MYOZ2: variants seen among roughly 807,000 people sequenced by gnomAD.
MYOZ2 encodes the protein myozenin 2.
A neutral mutation model predicts 25.4 loss-of-function variants in MYOZ2; 19 were observed. The observed-to-expected ratio is 0.75, with a 90% CI of 0.52 to 1.10. The LOEUF (loss-of-function observed/expected upper bound fraction) is 1.10, where lower values mean the gene tolerates loss of function less well. Among genes scored for constraint, MYOZ2 ranks in the 50% least tolerant of loss-of-function variants. The pLI, the probability that MYOZ2 is intolerant of heterozygous loss-of-function variation, is 0.00. For synonymous variants in MYOZ2, 92 were observed against 106.9 expected (o/e 0.86, Z 0.86); for missense variants, 270 against 317.9 (o/e 0.85, Z 1.15).
intron 5 of MYOZ2, among the ~76,000 whole-genome samples, chr4:119,173,503 G>A (rs1365544663): frequency 1.3e-5 from 2 of 152,138 alleles, no homozygotes; most frequent in African/African-American, 4.8e-5. Flanking sequence ...GTGTGTTGAG[G>A]GCAATCAAAT....
In MYOZ2 at chr4:119,164,322, T is replaced by G; in HGVS notation, c.488T>G (p.Leu163Ter). 2.5e-6 allele frequency: 4 copies of G among 1,614,154 alleles called. No homozygotes were observed. The South Asian group carries it at 4.4e-5, about 18-fold the overall frequency. Reference protein sequence around the residue: ...EQAISNDPELLEALYPKLFKP... With the variant: ...EQAISNDPEL Reference sequence around the variant, plus strand: ...GCCATTAGCAATGATCCGGAGCTTTTAGAGGCTTTATATCCTAAACTTTTC... The same window carrying G: ...GCCATTAGCAATGATCCGGAGCTTTGAGAGGCTTTATATCCTAAACTTTTC... The change falls in exon 5 of 6, where the codon TTA becomes TGA. Residue 163 changes from leucine (L) to a stop codon, truncating the protein, a stop_gained. Transcript: ENST00000307128. LOFTEE classifies it high-confidence loss of function.
At chr4:119,140,812 T>A (rs1404524219) in intron 2 of MYOZ2, among the ~76,000 whole-genome samples, 1 of 152,236 alleles carries the variant, frequency 6.6e-6, no homozygotes, top group East Asian at 1.9e-4. Context: ...GTTTATAGAT[T>A]TATACAGTTT....
intron 2 of MYOZ2, among the ~76,000 whole-genome samples, chr4:119,145,506 C>CTGTG (rs200111377): frequency 0.024 from 3,063 of 128,140 alleles, 67 homozygotes; most frequent in East Asian, 0.081. Context: ...CCAGCTAAAA[C>CTGTG]TGTGTGTGTG....
intron 5 of MYOZ2, among the ~76,000 whole-genome samples, chr4:119,170,459 T>C (rs1343794880): frequency 6.6e-6 from 1 of 152,160 alleles, no homozygotes; most frequent in Non-Finnish European, 1.5e-5. Context: ...TTGATATGTG[T>C]AGTCCTTTCC....
chr4:119,164,299 C>T lies in MYOZ2; in HGVS notation c.465C>T (p.Ala155=). The T allele has an allele frequency of 6.2e-7, 1 of 1,613,994 alleles. No individual in the cohort carries two copies. The highest frequency in any genetic ancestry group is 8.5e-7 in the Non-Finnish European group (1 of 1,179,914). The change falls in exon 5 of 6, where the codon GCC becomes GCT. Residue 155 remains alanine, a synonymous_variant. Coordinates refer to ENST00000307128, the MANE Select transcript of MYOZ2 (RefSeq NM_016599.5). The stretch of plus-strand genomic sequence containing the variant: ...ACTATCAATCTCCCTGGGAACAAGC[C>T]ATTAGCAATGATCCGGAGCTTTTAG... ...PKYYQSPWEQ[A]ISNDPELLEA... is the part of the protein sequence containing the mutation.
intron 5 of MYOZ2, among the ~76,000 whole-genome samples, chr4:119,177,995 C>T (rs776861693): frequency 3.9e-5 from 6 of 152,120 alleles, no homozygotes; most frequent in Non-Finnish European, 7.4e-5. Context: ...CCTAATGGCA[C>T]ATTCTCTCTT....
intron 3 of MYOZ2, among the ~76,000 whole-genome samples, chr4:119,157,152 A>T (rs1216917754): frequency 6.6e-6 from 1 of 152,210 alleles, no homozygotes; most frequent in Admixed American, 6.5e-5. Flanking sequence ...TCAGTGTCTA[A>T]TTGCTATGCT....
At chr4:119,185,888 AT>A (rs1742282153) in intron 5 of MYOZ2, 77 bp from the exon 6 acceptor site, 1 of 1,218,304 alleles carries the variant, frequency 8.2e-7, no homozygotes, top group Non-Finnish European at 1.2e-6. Context: ...AATCATGCCT[AT>A]AAAATTATGA....
At chr4:119,163,726 G>A (rs1237030398) in intron 4 of MYOZ2, among the ~76,000 whole-genome samples, 1 of 152,160 alleles carries the variant, frequency 6.6e-6, no homozygotes, top group Non-Finnish European at 1.5e-5. Flanking sequence ...AGAGCACTCA[G>A]CAATTGAAGA....
intron 5 of MYOZ2, among the ~76,000 whole-genome samples, chr4:119,183,171 G>C (rs1046904401): frequency 4.6e-5 from 7 of 152,082 alleles, no homozygotes; most frequent in African/African-American, 1.7e-4. Context: ...AGATACATCA[G>C]AGAGAATTCC....
At position 119,151,031 on chromosome 4, in the gene MYOZ2, C is replaced by A; in HGVS notation, c.236C>A (p.Ala79Glu). 6.2e-7 allele frequency: 1 copy of A among 1,611,044 alleles called. No individual in the cohort carries two copies. Among genetic ancestry groups the A allele is most frequent in the Non-Finnish European group, 8.5e-7 (1 of 1,177,424 alleles). The change falls in exon 3 of 6, where the codon GCA becomes GAA. Residue 79 changes from alanine (A) to glutamate (E), a missense_variant. Ala to Glu is a moderately radical substitution (Grantham distance 107). Transcript: ENST00000307128. ...GAAAATTTCCAGTATCAATCTAGAG[C>A]ACAAATAAATGTAGGTATAACTTGA... ...TFENFQYQSRAQINHSIAMQN... is the reference protein window; with the variant it reads ...TFENFQYQSREQINHSIAMQN...
intron 5 of MYOZ2, among the ~76,000 whole-genome samples, chr4:119,181,489 C>G (rs1038823878): frequency 2.6e-5 from 4 of 152,126 alleles, no homozygotes; most frequent in African/African-American, 9.7e-5. Context: ...TGAAAAATAA[C>G]ATAACATTTT....
chr4:119,138,682 C>T (rs1175257879), intron 2 of MYOZ2, among the ~76,000 whole-genome samples: 1 of 152,098 alleles, frequency 6.6e-6, no homozygotes. Context: ...AGTCGAAATC[C>T]CCTTCTCCTG....
At chr4:119,147,667 C>A (rs916921841) in intron 2 of MYOZ2, among the ~76,000 whole-genome samples, 2 of 149,696 alleles carry the variant, frequency 1.3e-5, no homozygotes, top group African/African-American at 2.4e-5. Flanking sequence ...TCACTTGAAC[C>A]TGGGAGGCGA....
At position 119,186,251 on chromosome 4, in the gene MYOZ2, C is replaced by A. The variant is rs1742292457; in HGVS notation, c.*51C>A. The A allele has an allele frequency of 6.7e-7, 1 of 1,494,356 alleles. No homozygotes were observed. The highest frequency in any genetic ancestry group is 1.2e-5 in the South Asian group (1 of 86,846). 92.6% of individuals were successfully genotyped at this position (1,494,356 alleles called of 1,614,324 possible). A position where few individuals can be genotyped will look rare whatever the true frequency, so the allele number is the denominator to read the frequency against. On this transcript the variant is annotated 3_prime_UTR_variant, in exon 6 of 6. Transcript: ENST00000307128. ...AACTCTGAATATAAAAGTTGCTGTT[C>A]TACTATTTTAACTACTGGCAAAGCC...
In MYOZ2 at chr4:119,142,968, T is replaced by C. The variant is rs532659731; in HGVS notation, c.76+6367T>C. ...GGGTAGTTTATAATGAAAGACATTGTTCATGGTTCCAGAGGCCAGGGAGTC... is the reference window on the plus strand; with the variant it reads ...GGGTAGTTTATAATGAAAGACATTGCTCATGGTTCCAGAGGCCAGGGAGTC... On this transcript the variant is annotated intron_variant, in intron 2 of 5. Transcript: ENST00000307128. Among the ~76,000 whole-genome samples the C allele has an allele frequency of 2.0e-5, 3 of 152,266 alleles. No homozygotes were observed. The South Asian group carries it at 6.2e-4, about 32-fold the overall frequency.
intron 4 of MYOZ2, 115 bp downstream of exon 4, chr4:119,158,266 A>G: frequency 7.0e-7 from 1 of 1,429,892 alleles, no homozygotes; most frequent in Non-Finnish European, 9.6e-7. Flanking sequence ...TTTCTCATTA[A>G]GTATGTTTTT....
At chr4:119,179,183 A>G (rs1354894330) in intron 5 of MYOZ2, among the ~76,000 whole-genome samples, 1 of 152,188 alleles carries the variant, frequency 6.6e-6, no homozygotes, top group East Asian at 1.9e-4. Context: ...GTCTGTCTCC[A>G]GCTACATCTT....
intron 2 of MYOZ2, among the ~76,000 whole-genome samples, chr4:119,150,476 G>A (rs369612887): frequency 2.9e-5 from 4 of 135,928 alleles, no homozygotes; most frequent in African/African-American, 7.5e-5. Flanking sequence ...TTCAGTAGGG[G>A]GATAGCTAAA....
Sources: allele counts gnomAD v4.1 joint callset (sites outside exome capture counted in the v4.1 genomes callset), GRCh38; gene constraint gnomAD v4.1.1; transcripts MANE v1.5; gene names NCBI Gene and HGNC (gene_info 2026-07-23, HGNC 2026-07-21).